The following ARHGAP29 variants were observed in gnomAD, a reference collection of about 807,000 sequenced individuals.
ARHGAP29 encodes the protein Rho GTPase activating protein 29, also known as rho GTPase-activating protein 29.
ARHGAP29 carries 43 observed loss-of-function variants against 122.6 expected under a neutral mutation model. The ratio of observed to expected loss-of-function variants is 0.35; its 90% confidence interval spans 0.27 to 0.45. ARHGAP29 has a LOEUF of 0.45. ARHGAP29 is among the 20% of genes least tolerant of loss of function. ARHGAP29 has a pLI of 1.00. For synonymous variants in ARHGAP29, 506 were observed against 497.1 expected (o/e 1.02, Z -0.24); for missense variants, 1,303 against 1,477.2 (o/e 0.88, Z 1.93).
At chr1:94,211,849 C>T (rs1440740243) in intron 3 of ARHGAP29, among the ~76,000 whole-genome samples, 2 of 152,148 alleles carry the variant, frequency 1.3e-5, no homozygotes, top group African/African-American at 4.8e-5. Context: ...TGGTGTGCTG[C>T]ACCCATTAAC....
intron 12 of ARHGAP29, among the ~76,000 whole-genome samples, chr1:94,196,691 C>T (rs1420882204): frequency 6.6e-6 from 1 of 151,998 alleles, no homozygotes; most frequent in Non-Finnish European, 1.5e-5. Flanking sequence ...GTATTTCTCC[C>T]ACCATAATAG....
chr1:94,193,882 C>T (rs1012551712), intron 12 of ARHGAP29: 1 of 152,148 alleles, frequency 6.6e-6, no homozygotes, highest in Admixed American at 6.5e-5. Context: ...TAATAGACTA[C>T]TTTTTTCCTC....
intron 19 of ARHGAP29, 23 bp downstream of exon 19, chr1:94,184,128 G>A (rs1570495223): frequency 6.3e-7 from 1 of 1,599,492 alleles, no homozygotes; most frequent in African/African-American, 1.4e-5. Flanking sequence ...TTAATGGTGG[G>A]TTTCAAGGGT....
intron 19 of ARHGAP29, among the ~76,000 whole-genome samples, chr1:94,181,318 C>A (rs1023016882): frequency 2.6e-5 from 4 of 152,188 alleles, no homozygotes; most frequent in Non-Finnish European, 5.9e-5. Context: ...CGCTTCTGAG[C>A]AGCCTCTTCC....
chr1:94,206,507 A>G (rs981676229), intron 5 of ARHGAP29, among the ~76,000 whole-genome samples: 12 of 152,192 alleles, frequency 7.9e-5, no homozygotes, highest in Admixed American at 6.5e-4. Context: ...TCCTTCTGTA[A>G]AAGAGGGATA....
chr1:94,255,336 G>A (rs752171417), intron 1 of ARHGAP29, among the ~76,000 whole-genome samples: 1 of 152,156 alleles, frequency 6.6e-6, no homozygotes, highest in African/African-American at 2.4e-5. Context: ...CTGACACCTT[G>A]ATGTCAAACT....
At chr1:94,245,490 A>G (rs535053427) in intron 1 of ARHGAP29, among the ~76,000 whole-genome samples, 5 of 152,324 alleles carry the variant, frequency 3.3e-5, no homozygotes, top group African/African-American at 1.2e-4. Context: ...TATCTTTGGT[A>G]TGATTCCATT....
intron 1 of ARHGAP29, among the ~76,000 whole-genome samples, chr1:94,232,122 G>A (rs1211743993): frequency 1.3e-5 from 2 of 152,060 alleles, no homozygotes; most frequent in East Asian, 3.9e-4. Context: ...CAAAAATAAA[G>A]ATGAGATATG....
intron 3 of ARHGAP29, among the ~76,000 whole-genome samples, chr1:94,211,551 T>A (rs542915270): frequency 1.3e-5 from 2 of 152,138 alleles, no homozygotes; most frequent in Middle Eastern, 3.4e-3. Context: ...AAAACACATG[T>A]TCTTTTCAAA....
upstream of ARHGAP29, among the ~76,000 whole-genome samples, chr1:94,242,444 T>C (rs1162505601): frequency 6.6e-6 from 1 of 151,994 alleles, no homozygotes; most frequent in South Asian, 2.1e-4. Flanking sequence ...GCAAAATCTA[T>C]GACAATAGCG....
At chr1:94,259,119 G>T (rs546991519) in intron 1 of ARHGAP29, among the ~76,000 whole-genome samples, 51 of 152,248 alleles carry the variant, frequency 3.3e-4, no homozygotes, top group Non-Finnish European at 5.3e-4. Context: ...GGTGGGTGGG[G>T]ACAGGCAGTG....
At chr1:94,205,248 T>A (rs776526371) in intron 6 of ARHGAP29, 50 bp from the exon 7 acceptor site, 1 of 1,389,322 alleles carries the variant, frequency 7.2e-7, no homozygotes, top group Non-Finnish European at 9.5e-7. Flanking sequence ...GATCACATCA[T>A]AACTCCAAAC....
At chr1:94,282,283 A>C in the ARHGAP29 span, among the ~76,000 whole-genome samples, 283 of 149,078 alleles carry the variant, frequency 1.9e-3, no homozygotes, top group African/African-American at 6.4e-3. Flanking sequence ...TTATTTATTT[A>C]TTTATTTATT....
intron 2 of ARHGAP29, among the ~76,000 whole-genome samples, chr1:94,221,193 G>A (rs935697248): frequency 6.6e-6 from 1 of 152,136 alleles, no homozygotes; most frequent in Non-Finnish European, 1.5e-5. Context: ...TCACAGTCAT[G>A]CTAGCACAAC....
chr1:94,287,294 G>A, the ARHGAP29 span, among the ~76,000 whole-genome samples: 13 of 152,140 alleles, frequency 8.5e-5, no homozygotes, highest in Non-Finnish European at 1.3e-4. Context: ...TTATGGGGGC[G>A]GTTTCCCCCA....
chr1:94,309,109 G>T, the ARHGAP29 span, among the ~76,000 whole-genome samples: 1 of 152,200 alleles, frequency 6.6e-6, no homozygotes, highest in Non-Finnish European at 1.5e-5. Context: ...CGCCCAGGCA[G>T]ACTGGGGCTA....
chr1:94,255,328 G>A (rs962746377), intron 1 of ARHGAP29, among the ~76,000 whole-genome samples: 4 of 152,166 alleles, frequency 2.6e-5, no homozygotes, highest in African/African-American at 7.2e-5. Context: ...CAACCATGCT[G>A]ACACCTTGAT....
the ARHGAP29 span, among the ~76,000 whole-genome samples, chr1:94,307,414 C>A: frequency 6.6e-5 from 10 of 152,066 alleles, no homozygotes; most frequent in East Asian, 1.9e-3. Flanking sequence ...CAAATCATGA[C>A]CAAAACTCCA....
chr1:94,297,824 G>T, the ARHGAP29 span, among the ~76,000 whole-genome samples: 6 of 152,084 alleles, frequency 3.9e-5, no homozygotes, highest in Non-Finnish European at 7.4e-5. Flanking sequence ...AGCAATGAGG[G>T]GAGCTGGCCT....
Sources: gnomAD v4.1 joint callset for allele counts (sites outside exome capture counted in the v4.1 genomes callset) on GRCh38, gnomAD v4.1.1 for gene constraint, MANE v1.5 for transcripts, NCBI Gene and HGNC (gene_info 2026-07-23, HGNC 2026-07-21) for gene names.